Variants in KCTD10 observed in about 807,000 individuals in gnomAD.
The protein encoded by KCTD10 is BTB/POZ domain-containing adapter for CUL3-mediated RhoA degradation protein 3.
KCTD10 carries 13 observed loss-of-function variants against 34.6 expected under a neutral mutation model. The observed-to-expected ratio is 0.38, with a 90% CI of 0.24 to 0.60. The LOEUF (loss-of-function observed/expected upper bound fraction) is 0.60, where lower values mean the gene tolerates loss of function less well. KCTD10 is among the 20% of genes least tolerant of loss of function. KCTD10 has a pLI of 0.66. For synonymous variants in KCTD10, 156 were observed against 168.8 expected (o/e 0.92, Z 0.59); for missense variants, 256 against 420.3 (o/e 0.61, Z 3.42).
Position 109,469,582 on chromosome 12 carries a change from C to T in KCTD10, c.150G>A (p.Leu50=), listed in dbSNP as rs1299531065. Residue 50 remains leucine, a synonymous_variant, in exon 2 of 7, where the codon CTG becomes CTA. Transcript: ENST00000228495. ...CCTTCAGCATGGTGTCCTGCTTGGT[C>T]AGCGTCTGCATGGTGGTATAGTAGA... ...GALYYTTMQT[L]TKQDTMLKAM... The T allele has an allele frequency of 6.2e-7, 1 of 1,614,218 alleles. No individual in the cohort carries two copies.
chr12:109,474,723 C>T (rs1207578625), intron 1 of KCTD10, among the ~76,000 whole-genome samples: 2 of 152,200 alleles, frequency 1.3e-5, no homozygotes, highest in Non-Finnish European at 2.9e-5. Context: ...AGCCAGCCCC[C>T]ACTTCACAGC....
intron 1 of KCTD10, chr12:109,471,521 G>A (rs1336778872): frequency 1.7e-6 from 1 of 586,428 alleles, no homozygotes; most frequent in Non-Finnish European, 2.1e-6. Flanking sequence ...GCTGCCCGAT[G>A]CCAAACACAA....
At chr12:109,476,905 T>C (rs1874356584) in intron 1 of KCTD10, among the ~76,000 whole-genome samples, 1 of 152,162 alleles carries the variant, frequency 6.6e-6, no homozygotes, top group Admixed American at 6.5e-5. Flanking sequence ...CCGTTTTCAA[T>C]TGATATCTCT....
At chr12:109,467,345 C>T (rs927017308) in intron 2 of KCTD10, among the ~76,000 whole-genome samples, 2 of 152,220 alleles carry the variant, frequency 1.3e-5, no homozygotes, top group African/African-American at 4.8e-5. Context: ...ATCGGCTGTG[C>T]GTGGTGGCTC....
Position 109,456,300 on chromosome 12 carries a change from T to G in KCTD10, c.541A>C (p.Asn181His), listed in dbSNP as rs1566052617. ...KYSYTSNSDD[N>H]MLKNIELFDK... ...AACAGTTCAATGTTTTTCAACATAT[T>G]GTCGTCAGAATTGCTGCAAAAGAGC... Residue 181 changes from asparagine to histidine, a missense_variant, in exon 6 of 7, where the codon AAT becomes CAT. By Grantham distance (68) the Asn-to-His change is moderately conservative (BLOSUM62 1). Around this residue, in one of 3 missense-constraint regions of KCTD10, gnomAD observed 41 missense variants for 124.2 expected, o/e 0.33. Coordinates refer to ENST00000228495, the MANE Select transcript of KCTD10 (RefSeq NM_031954.5). 6.2e-7 allele frequency: 1 copy of G among 1,614,056 alleles called. No individual in the cohort carries two copies. Among genetic ancestry groups the G allele is most frequent in the Non-Finnish European group, 8.5e-7 (1 of 1,180,020 alleles).
chr12:109,467,936 C>A (rs932068493), intron 2 of KCTD10, among the ~76,000 whole-genome samples: 2 of 152,184 alleles, frequency 1.3e-5, no homozygotes, highest in Non-Finnish European at 2.9e-5. Flanking sequence ...AGGAGAAGAG[C>A]CTCAGCTTTC....
Position 109,469,593 on chromosome 12 carries a change from T to C in KCTD10, c.139A>G (p.Met47Val), listed in dbSNP as rs764652859. The change falls in exon 2 of 7, where the codon ATG (methionine) becomes GTG (valine). Residue 47 changes from methionine to valine, a missense_variant. By Grantham distance (21) the Met-to-Val change is conservative (BLOSUM62 1). This residue lies in a region of KCTD10 where 155 missense variants were observed against 207.0 expected (regional missense o/e 0.75). Coordinates refer to ENST00000228495, the MANE Select transcript of KCTD10 (RefSeq NM_031954.5). ...GTGTCCTGCTTGGTCAGCGTCTGCA[T>C]GGTGGTATAGTAGAGGGCTCCACCC... ...NVGGALYYTT[M>V]QTLTKQDTML... 1 of 1,614,228 alleles carries C rather than the reference T, an allele frequency of 6.2e-7. No individual in the cohort carries two copies. The highest frequency in any genetic ancestry group is 1.1e-5 in the South Asian group (1 of 91,086).
At chr12:109,458,211 C>G (rs1873129765) in intron 3 of KCTD10, 133 bp from the exon 4 acceptor site, 1 of 657,674 alleles carries the variant, frequency 1.5e-6, no homozygotes, top group Non-Finnish European at 2.7e-6. Flanking sequence ...ATTCTCACCA[C>G]CAGTGAACTA....
In KCTD10 at chr12:109,457,698, AAAG is replaced by A. The variant is rs771702608; in HGVS notation, c.475-19_475-17del. The A allele has an allele frequency of 7.3e-5, 117 of 1,613,696 alleles. 1 individual carries two copies. The highest frequency in any genetic ancestry group is 6.7e-4 in the Admixed American group (40 of 60,010). ...TCACGGCTGGCTGTGGGTTGTTTTA[AAAG>A]AAGAAGAAGAGAGTTACTTGGCAGG... On this transcript the variant is annotated splice_polypyrimidine_tract_variant and intron_variant, in intron 4 of 6. Coordinates refer to ENST00000228495, the MANE Select transcript of KCTD10 (RefSeq NM_031954.5).
rs550644387 is a variant in KCTD10 at position 109,463,431 on chromosome 12, C to G, written c.218-2626G>C. Among the ~76,000 whole-genome samples the G allele has an allele frequency of 5.3e-5, 8 of 152,312 alleles. No homozygotes were observed. In the East Asian group the frequency reaches 1.2e-3, roughly 22 times the overall value. ...TAAGATACTGTGGTTGCTTTCAAAG[C>G]AGGAAGTGATCCCTTTGAAAGTCAG... On this transcript the variant is annotated intron_variant, in intron 2 of 6. Coordinates refer to ENST00000228495, the MANE Select transcript of KCTD10 (RefSeq NM_031954.5).
At chr12:109,468,062 T>A (rs183753598) in intron 2 of KCTD10, among the ~76,000 whole-genome samples, 2 of 152,222 alleles carry the variant, frequency 1.3e-5, no homozygotes, top group East Asian at 3.9e-4. Flanking sequence ...GGGGGTGCTA[T>A]TGTCTTGATT....
chr12:109,465,225 C>T (rs1283144970), intron 2 of KCTD10, among the ~76,000 whole-genome samples: 2 of 152,162 alleles, frequency 1.3e-5, no homozygotes, highest in Non-Finnish European at 2.9e-5. Flanking sequence ...CTAGAATGGA[C>T]ACTCTACCAC....
Position 109,460,269 on chromosome 12 carries a change from G to A in KCTD10, c.387+367C>T. On this transcript the variant is annotated intron_variant, in intron 3 of 6. Coordinates refer to ENST00000228495, the MANE Select transcript of KCTD10 (RefSeq NM_031954.5). The surrounding 1 kb of genome is among the most constrained non-coding windows in gnomAD (Gnocchi z 4.5). Reference sequence around the variant, plus strand: ...TCTAGCTAAGGAGTGAGGGGTGTCTGTCTGTAGAGATTATGCTGAGCTCCC... The same window carrying A: ...TCTAGCTAAGGAGTGAGGGGTGTCTATCTGTAGAGATTATGCTGAGCTCCC... 1 of 189,890 alleles carries A rather than the reference G, an allele frequency of 5.3e-6. No individual in the cohort carries two copies. Among genetic ancestry groups the A allele is most frequent in the Non-Finnish European group, 1.1e-5 (1 of 91,868 alleles). The allele number at this position is 189,890 out of a possible 1,614,324, so 11.8% of individuals were successfully genotyped here. A position where few individuals can be genotyped will look rare whatever the true frequency, so the allele number is the denominator to read the frequency against.
chr12:109,476,143 G>C (rs1485976698), intron 1 of KCTD10, among the ~76,000 whole-genome samples: 2 of 152,208 alleles, frequency 1.3e-5, no homozygotes, highest in Non-Finnish European at 2.9e-5. Context: ...AAGAATGTCT[G>C]ATTCAGTAGT....
At chr12:109,473,245 C>T (rs1461828430) in intron 1 of KCTD10, among the ~76,000 whole-genome samples, 1 of 152,170 alleles carries the variant, frequency 6.6e-6, no homozygotes, top group African/African-American at 2.4e-5. Flanking sequence ...AGGCCAGCCT[C>T]ACCTCCCTTC....
At position 109,449,549 on chromosome 12, in the gene KCTD10, A is replaced by AC. The variant is rs1165503973; in HGVS notation, c.*2045dup. 2 of 152,182 alleles carry AC rather than the reference A, an allele frequency of 1.3e-5. No individual in the cohort carries two copies. The highest frequency in any genetic ancestry group is 2.4e-5 in the African/African-American group (1 of 41,428). The allele number at this position is 152,182 out of a possible 1,614,324, so 9.4% of individuals were successfully genotyped here. The stretch of plus-strand genomic sequence containing the variant: ...AGACCAGCCTGGCCAACATGGTGAA[A>AC]CCCCATCTCTACTAAAAATACAAAA... On this transcript the variant is annotated 3_prime_UTR_variant, in exon 7 of 7. Transcript: ENST00000228495.
rs551755773 is a variant in KCTD10, at chr12:109,472,464, G to GGATA, written c.4-2740_4-2737dup. Reference sequence around the variant, plus strand: ...TCTCCCGTAAGAATCCCTTCTTCTGGGATACCTCCAGAAGCACCTGCCTGA... The same window carrying GGATA: ...TCTCCCGTAAGAATCCCTTCTTCTGGGATAGATACCTCCAGAAGCACCTGCCTGA... On this transcript the variant is annotated intron_variant, in intron 1 of 6. Transcript: ENST00000228495. Among the ~76,000 whole-genome samples the GGATA allele has an allele frequency of 5.3e-5, 8 of 151,772 alleles. No homozygotes were observed. In the South Asian group the frequency reaches 1.7e-3, roughly 32 times the overall value.
rs1364073903 is a variant in KCTD10 at position 109,448,782 on chromosome 12, C to T, written c.*2813G>A. 1 of 152,198 alleles carries T rather than the reference C, an allele frequency of 6.6e-6. No homozygotes were observed. The highest frequency in any genetic ancestry group is 1.9e-4 in the East Asian group (1 of 5,194). The allele number at this position is 152,198 out of a possible 1,614,324, so 9.4% of individuals were successfully genotyped here. A position where few individuals can be genotyped will look rare whatever the true frequency, so the allele number is the denominator to read the frequency against. On this transcript the variant is annotated 3_prime_UTR_variant, in exon 7 of 7. Transcript: ENST00000228495. ...AGGTTAATGACACACTTAACTGTTA[C>T]AGTGACTTTGGGTAGGGCCCTAAAG...
intron 2 of KCTD10, among the ~76,000 whole-genome samples, chr12:109,462,656 C>G (rs1236887764): frequency 1.3e-5 from 2 of 152,194 alleles, no homozygotes; most frequent in Non-Finnish European, 2.9e-5. Flanking sequence ...TGCCCTGCCC[C>G]CAAGAGAGGC....
Sources: allele counts gnomAD v4.1 joint callset (sites outside exome capture counted in the v4.1 genomes callset), GRCh38; gene constraint gnomAD v4.1.1; regional missense constraint gnomAD v4.1.1; non-coding constraint Gnocchi (gnomAD v3.1); transcripts MANE v1.5; gene names NCBI Gene and HGNC (gene_info 2026-07-23, HGNC 2026-07-21).